Variants in INTS4 observed in about 807,000 individuals in gnomAD.
INTS4 encodes the protein MSTP093.
Under a neutral mutation model 119.5 loss-of-function variants are expected in INTS4, and 70 were observed. That is an observed-to-expected ratio of 0.59 (90% CI 0.48 to 0.71). The LOEUF (loss-of-function observed/expected upper bound fraction) is 0.71, where lower values mean the gene tolerates loss of function less well. Among genes scored for constraint, INTS4 ranks in the 30% least tolerant of loss-of-function variants. The pLI, the probability that INTS4 is intolerant of heterozygous loss-of-function variation, is 0.00. For missense variants in INTS4, 867 were observed against 1,173.2 expected (o/e 0.74, Z 3.81); for synonymous variants, 316 against 419.6 (o/e 0.75, Z 3.02).
chr11:77,928,295 G>T (rs766212773), intron 11 of INTS4, 47 bp downstream of exon 11: 20 of 1,594,822 alleles, frequency 1.3e-5, no homozygotes, highest in African/African-American at 4.1e-5. Context: ...ATTTTAACAG[G>T]GGGGGGTGAG....
chr11:77,984,501 G>GAA (rs111559039), intron 2 of INTS4, among the ~76,000 whole-genome samples: 3 of 133,754 alleles, frequency 2.2e-5, no homozygotes, highest in South Asian at 2.4e-4. Flanking sequence ...GTCAAAAAAT[G>GAA]AAAAAAAAAA....
chr11:77,937,745 A>G (rs1047064441), intron 10 of INTS4, among the ~76,000 whole-genome samples: 5 of 152,194 alleles, frequency 3.3e-5, no homozygotes, highest in Non-Finnish European at 4.4e-5. Flanking sequence ...CCCTGTCTCA[A>G]AAAACAAAAA....
chr11:77,891,857 A>G lies in INTS4; in HGVS notation c.2289-17T>C, dbSNP rs1952284102. On this transcript the variant is annotated splice_polypyrimidine_tract_variant and intron_variant, in intron 19 of 22. Coordinates refer to ENST00000534064, the MANE Select transcript of INTS4 (RefSeq NM_033547.4). ...ATGAAATACCTGGAGGAACAAACAG[A>G]AGCAACTGACTCATTCAACTGTGCA... 6.2e-7 allele frequency: 1 copy of G among 1,610,710 alleles called. No homozygotes were observed. The highest frequency in any genetic ancestry group is 8.5e-7 in the Non-Finnish European group (1 of 1,178,802).
intron 4 of INTS4, among the ~76,000 whole-genome samples, chr11:77,975,799 T>C (rs1259887131): frequency 1.3e-5 from 2 of 151,532 alleles, no homozygotes; most frequent in African/African-American, 4.9e-5. Context: ...CTACTAAAAA[T>C]ACAAAAATTA....
chr11:77,950,221 G>A (rs1954156196), intron 8 of INTS4, among the ~76,000 whole-genome samples: 1 of 152,096 alleles, frequency 6.6e-6, no homozygotes, highest in African/African-American at 2.4e-5. Context: ...CTGTCAGAGG[G>A]TGGGGGCTGG....
chr11:77,938,737 T>C lies in INTS4; in HGVS notation c.1079A>G (p.Lys360Arg). Residue 360 changes from lysine to arginine, a missense_variant, in exon 10 of 23, where the codon AAG becomes AGG. This residue lies in a region of INTS4 where 208 missense variants were observed against 306.6 expected (regional missense o/e 0.68). Coordinates refer to ENST00000534064, the MANE Select transcript of INTS4 (RefSeq NM_033547.4). ...CACAGCCCCGGTATCTACTTCTTCC[T>C]TGGGAGCATCATCTCCCCACTTTCT... ...SGRKWGDDAPKEEVDTGAVNL... is the reference protein window; with the variant it reads ...SGRKWGDDAPREEVDTGAVNL... The C allele has an allele frequency of 6.2e-7, 1 of 1,612,032 alleles. No individual in the cohort carries two copies. The highest frequency in any genetic ancestry group is 1.1e-5 in the South Asian group (1 of 90,988).
At chr11:77,990,686 CAAAAA>C (rs781257703) in intron 2 of INTS4, among the ~76,000 whole-genome samples, 3 of 98,484 alleles carry the variant, frequency 3.0e-5, no homozygotes, top group Non-Finnish European at 4.0e-5. Flanking sequence ...ACTCTGTCTC[CAAAAA>C]AAAAAAAAAA....
intron 7 of INTS4, among the ~76,000 whole-genome samples, chr11:77,956,710 AAATAATAATAATAATAAT>A (rs199933134): frequency 0.2 from 19,066 of 97,616 alleles, 2,286 homozygotes; most frequent in East Asian, 0.32. Flanking sequence ...CCATCTCAAA[AAATAATAATAATAATAAT>A]AATAATAATA....
chr11:77,967,088 G>T (rs1855536633), intron 4 of INTS4, among the ~76,000 whole-genome samples: 1 of 152,044 alleles, frequency 6.6e-6, no homozygotes, highest in Non-Finnish European at 1.5e-5. Flanking sequence ...AATGATTAGT[G>T]ATTAGTGATA....
chr11:77,881,082 C>G (rs554220496), intron 22 of INTS4, among the ~76,000 whole-genome samples: 1 of 152,076 alleles, frequency 6.6e-6, no homozygotes, highest in East Asian at 1.9e-4. Flanking sequence ...AGGAGTAAAG[C>G]GGAGAAGAGA....
intron 6 of INTS4, among the ~76,000 whole-genome samples, chr11:77,960,070 C>G (rs1044935667): frequency 2.0e-5 from 3 of 152,140 alleles, no homozygotes; most frequent in African/African-American, 7.2e-5. Context: ...ATTCTAAATG[C>G]TACACTTTTC....
chr11:77,994,572 T>C lies in INTS4; in HGVS notation c.54+18A>G. The C allele has an allele frequency of 6.3e-7, 1 of 1,597,434 alleles. No individual in the cohort carries two copies. ...CCCTGGTCCGGATCGGTTCTGGATC[T>C]TTCCCGCCAGAGCTTACCTGAACCA... On this transcript the variant is annotated intron_variant, in intron 1 of 22. Transcript: ENST00000534064.
At chr11:77,904,570 G>A (rs185886496) in intron 16 of INTS4, among the ~76,000 whole-genome samples, 1 of 152,304 alleles carries the variant, frequency 6.6e-6, no homozygotes, top group East Asian at 1.9e-4. Flanking sequence ...AACTTTTTGA[G>A]TGCTCAAGAG....
At chr11:77,963,329 G>T in intron 4 of INTS4, 2 of 364,020 alleles carry the variant, frequency 5.5e-6, no homozygotes, top group Admixed American at 4.2e-5. Flanking sequence ...TTTTCTGGCC[G>T]GGCGCAGAAC....
chr11:77,981,669 A>G (rs1206769335), intron 2 of INTS4, 93 bp from the exon 3 acceptor site: 1 of 544,126 alleles, frequency 1.8e-6, no homozygotes, highest in Non-Finnish European at 3.2e-6. Flanking sequence ...AAAGAGATTC[A>G]ATGATCCAAG....
intron 21 of INTS4, among the ~76,000 whole-genome samples, chr11:77,889,381 C>A (rs1234631596): frequency 6.8e-6 from 1 of 146,596 alleles, no homozygotes; most frequent in East Asian, 2.0e-4. Context: ...GAACATCACA[C>A]CCCGGGGACT....
intron 18 of INTS4, among the ~76,000 whole-genome samples, chr11:77,899,481 G>C (rs1371311726): frequency 6.6e-6 from 1 of 152,000 alleles, no homozygotes; most frequent in East Asian, 1.9e-4. Context: ...AGACCAGCCT[G>C]GCTAACATGG....
At chr11:77,976,370 A>C (rs1438682443) in intron 4 of INTS4, among the ~76,000 whole-genome samples, 1 of 152,160 alleles carries the variant, frequency 6.6e-6, no homozygotes, top group African/African-American at 2.4e-5. Flanking sequence ...TTTTTCAAAA[A>C]AATAAACAAC....
chr11:77,929,795 G>A (rs1357710374), intron 10 of INTS4, among the ~76,000 whole-genome samples: 2 of 152,134 alleles, frequency 1.3e-5, no homozygotes, highest in East Asian at 3.9e-4. Context: ...TTCTCGCCTG[G>A]TAAGTGGAGA....
Sources: gnomAD v4.1 joint callset for allele counts (sites outside exome capture counted in the v4.1 genomes callset) on GRCh38, gnomAD v4.1.1 for gene constraint, gnomAD v4.1.1 regional missense constraint, MANE v1.5 for transcripts, NCBI Gene and HGNC (gene_info 2026-07-23, HGNC 2026-07-21) for gene names.